The following BBS12 variants were observed in gnomAD, a reference collection of about 807,000 sequenced individuals.
The protein encoded by BBS12 is Bardet-Biedl syndrome 12.
BBS12 carries 5 observed loss-of-function variants against 5.6 expected under a neutral mutation model. The observed-to-expected ratio is 0.89, with a 90% CI of 0.46 to 1.86. The LOEUF is 1.86. BBS12 is among the 40% of genes most tolerant of loss of function. The pLI, the probability that BBS12 is intolerant of heterozygous loss-of-function variation, is 0.01. For missense variants in BBS12, 748 were observed against 830.4 expected (o/e 0.90, Z 1.22); for synonymous variants, 308 against 306.8 (o/e 1.00, Z -0.04).
chr4:122,711,389 ATGTCAAAGAACACACAGGCT>A, the BBS12 span, among the ~76,000 whole-genome samples: 2 of 151,770 alleles, frequency 1.3e-5, no homozygotes, highest in African/African-American at 2.4e-5. Flanking sequence ...GTCACTGTGG[ATGTCAAAGAACACACAGGCT>A]TTCCACAACT....
Position 122,742,114 on chromosome 4 carries a change from T to G in BBS12, c.222T>G (p.Val74=), listed in dbSNP as rs778792181. The G allele has an allele frequency of 6.2e-7, 1 of 1,614,168 alleles. No homozygotes were observed. The highest frequency in any genetic ancestry group is 8.5e-7 in the Non-Finnish European group (1 of 1,180,040). Residue 74 remains valine (V), a synonymous_variant, in exon 2 of 2, where the codon GTT becomes GTG. Transcript: ENST00000314218. ...SAVGQLLNEA[V]QAQNNTYRTG... ...TGGGACAACTTCTCAATGAAGCAGT[T>G]CAAGCACAAAACAACACATATAGAA... is the stretch of plus-strand genomic sequence containing the variant.
the BBS12 span, among the ~76,000 whole-genome samples, chr4:122,705,137 A>G: frequency 5.3e-5 from 8 of 152,362 alleles, no homozygotes; most frequent in African/African-American, 1.9e-4. Flanking sequence ...GAATGAGCAC[A>G]TTGGAAGCCA....
chr4:122,700,854 A>G, the BBS12 span, among the ~76,000 whole-genome samples: 20 of 152,222 alleles, frequency 1.3e-4, 1 homozygote, highest in Non-Finnish European at 2.2e-4. Context: ...TTGATGCTTA[A>G]TAAATGTTTG....
At chr4:122,709,834 T>G in the BBS12 span, among the ~76,000 whole-genome samples, 9 of 152,032 alleles carry the variant, frequency 5.9e-5, no homozygotes, top group Admixed American at 3.9e-4. Flanking sequence ...TTTTGTATTT[T>G]TAGTAGAGAC....
intron 1 of BBS12, among the ~76,000 whole-genome samples, chr4:122,740,991 T>C (rs1560705766): frequency 6.6e-6 from 1 of 152,218 alleles, no homozygotes; most frequent in Non-Finnish European, 1.5e-5. Context: ...CACCCAGACT[T>C]CTAGGTTTAG....
chr4:122,716,671 GT>G, the BBS12 span, among the ~76,000 whole-genome samples: 1 of 61,266 alleles, frequency 1.6e-5, no homozygotes, highest in African/African-American at 7.4e-5. Context: ...ATACACATAT[GT>G]GTATATATAC....
chr4:122,702,699 G>A, the BBS12 span, among the ~76,000 whole-genome samples: 2 of 152,200 alleles, frequency 1.3e-5, no homozygotes, highest in Non-Finnish European at 2.9e-5. Flanking sequence ...AAGGATGTTA[G>A]CACCTCCTCA....
At chr4:122,709,597 C>T in the BBS12 span, among the ~76,000 whole-genome samples, 2 of 152,116 alleles carry the variant, frequency 1.3e-5, no homozygotes, top group African/African-American at 4.8e-5. Flanking sequence ...AATTTAATTG[C>T]TAGCTATAAA....
the BBS12 span, among the ~76,000 whole-genome samples, chr4:122,701,466 A>G: frequency 6.6e-6 from 1 of 152,212 alleles, no homozygotes; most frequent in Non-Finnish European, 1.5e-5. Flanking sequence ...ATACATGCAC[A>G]TGTACACATT....
chr4:122,714,293 G>A, the BBS12 span, among the ~76,000 whole-genome samples: 2 of 152,146 alleles, frequency 1.3e-5, no homozygotes, highest in South Asian at 2.1e-4. Flanking sequence ...TCAGACTTCC[G>A]TCCTCCAGAA....
intron 1 of BBS12, among the ~76,000 whole-genome samples, chr4:122,735,001 A>G (rs1235948698): frequency 6.6e-6 from 1 of 152,228 alleles, no homozygotes; most frequent in Non-Finnish European, 1.5e-5. Context: ...TTCGAAAGAA[A>G]TAAAAATAGA....
At chr4:122,707,737 C>A in the BBS12 span, among the ~76,000 whole-genome samples, 1 of 152,138 alleles carries the variant, frequency 6.6e-6, no homozygotes, top group Non-Finnish European at 1.5e-5. Context: ...GGCTCTGGTG[C>A]AGTAGAAGGC....
At chr4:122,738,811 A>G (rs1032077797) in intron 1 of BBS12, among the ~76,000 whole-genome samples, 4 of 152,360 alleles carry the variant, frequency 2.6e-5, no homozygotes, top group Non-Finnish European at 5.9e-5. Flanking sequence ...ACCACTTCAC[A>G]TTCACTAGGA....
the BBS12 span, among the ~76,000 whole-genome samples, chr4:122,701,145 A>G: frequency 6.6e-6 from 1 of 152,298 alleles, no homozygotes; most frequent in East Asian, 1.9e-4. Flanking sequence ...GATATTCTTG[A>G]TGGTAAAACA....
chr4:122,736,550 G>A (rs1429861651), intron 1 of BBS12, among the ~76,000 whole-genome samples: 2 of 152,038 alleles, frequency 1.3e-5, no homozygotes, highest in Non-Finnish European at 2.9e-5. Context: ...CAGTTAAGTT[G>A]TCTGACTCTG....
At chr4:122,714,045 CAT>C in the BBS12 span, among the ~76,000 whole-genome samples, 2 of 152,196 alleles carry the variant, frequency 1.3e-5, no homozygotes, top group Admixed American at 1.3e-4. Flanking sequence ...CTCAAATTCA[CAT>C]GTTAAAGCTT....
chr4:122,713,231 G>A, the BBS12 span, among the ~76,000 whole-genome samples: 15 of 152,102 alleles, frequency 9.9e-5, no homozygotes, highest in African/African-American at 3.6e-4. Context: ...CTATTTTATG[G>A]TGTAAAGTGG....
the BBS12 span, among the ~76,000 whole-genome samples, chr4:122,703,640 C>T: frequency 6.6e-6 from 1 of 152,154 alleles, no homozygotes; most frequent in Non-Finnish European, 1.5e-5. Context: ...TCCCTTGGTG[C>T]TTCTGTCTCT....
chr4:122,701,368 T>G, the BBS12 span, among the ~76,000 whole-genome samples: 1 of 152,204 alleles, frequency 6.6e-6, no homozygotes. Context: ...GACTGAGTGT[T>G]GAAGATTTAC....
Sources: gnomAD v4.1 joint callset for allele counts (sites outside exome capture counted in the v4.1 genomes callset) on GRCh38, gnomAD v4.1.1 for gene constraint, MANE v1.5 for transcripts, NCBI Gene and HGNC (gene_info 2026-07-23, HGNC 2026-07-21) for gene names.